SLC35F4: variants seen among roughly 807,000 people sequenced by gnomAD.
SLC35F4 encodes solute carrier family 35 member F4.
A neutral mutation model predicts 44.2 loss-of-function variants in SLC35F4; 24 were observed. The observed-to-expected ratio is 0.54, with a 90% CI of 0.39 to 0.76. The LOEUF is 0.76. SLC35F4 is among the 30% of genes least tolerant of loss of function. The pLI, the probability that SLC35F4 is intolerant of heterozygous loss-of-function variation, is 0.00. For missense variants in SLC35F4, 562 were observed against 586.1 expected (o/e 0.96, Z 0.42); for synonymous variants, 238 against 223.6 (o/e 1.06, Z -0.57).
At chr14:57,845,431 T>C (rs762611917) in intron 1 of SLC35F4, among the ~76,000 whole-genome samples, 6 of 152,222 alleles carry the variant, frequency 3.9e-5, no homozygotes, top group African/African-American at 1.4e-4. Flanking sequence ...CATACAACTG[T>C]CGGAGAGAGG....
At position 57,624,111 on chromosome 14, in the gene SLC35F4, A is replaced by C. The variant is rs538022649; in HGVS notation, c.104-29987T>G. Among the ~76,000 whole-genome samples, 179 of 152,338 alleles carry C rather than the reference A, an allele frequency of 1.2e-3. 1 individual carries two copies. The highest frequency in any genetic ancestry group is 4.2e-3 in the African/African-American group (176 of 41,578). ...AAATAGACACAATAAAAAATGATAA[A>C]GGGGATATCACCACTGATTCCACAG... On this transcript the variant is annotated intron_variant, in intron 1 of 7. Transcript: ENST00000556826.
chr14:57,684,480 G>A (rs1053946963), intron 1 of SLC35F4, among the ~76,000 whole-genome samples: 1 of 152,124 alleles, frequency 6.6e-6, no homozygotes, highest in Non-Finnish European at 1.5e-5. Flanking sequence ...AATAGGGTTC[G>A]AGCTCCTATG....
intron 1 of SLC35F4, among the ~76,000 whole-genome samples, chr14:57,956,433 G>T (rs1890239668): frequency 1.3e-5 from 2 of 152,126 alleles, no homozygotes; most frequent in Admixed American, 1.3e-4. Flanking sequence ...AGCCAAAATT[G>T]ACAAATGGGA....
intron 1 of SLC35F4, among the ~76,000 whole-genome samples, chr14:57,940,556 T>A (rs1052493078): frequency 3.3e-5 from 5 of 152,226 alleles, no homozygotes; most frequent in African/African-American, 1.2e-4. Flanking sequence ...TGTATGGTTA[T>A]GCTGCTGCTC....
At chr14:57,756,260 T>C (rs1188769502) in intron 1 of SLC35F4, among the ~76,000 whole-genome samples, 1 of 152,230 alleles carries the variant, frequency 6.6e-6, no homozygotes, top group East Asian at 1.9e-4. Flanking sequence ...CTTTTGGTGG[T>C]ATTTTCCTTC....
At position 57,822,771 on chromosome 14, in the gene SLC35F4, C is replaced by T. The variant is rs186479454; in HGVS notation, c.103+42952G>A. Among the ~76,000 whole-genome samples the T allele has an allele frequency of 1.6e-3, 240 of 152,248 alleles. 1 individual carries two copies. The highest frequency in any genetic ancestry group is 2.4e-3 in the Non-Finnish European group (160 of 68,018). ...AAAATTCTGTGGCTTAAAACAACATCATTGGTTTTCCTCCTACTTTGAGGT... is the reference window on the plus strand; with the variant it reads ...AAAATTCTGTGGCTTAAAACAACATTATTGGTTTTCCTCCTACTTTGAGGT... On this transcript the variant is annotated intron_variant, in intron 1 of 7. Transcript: ENST00000556826.
chr14:57,867,938 T>C (rs1055905911), upstream of SLC35F4, among the ~76,000 whole-genome samples: 14 of 152,108 alleles, frequency 9.2e-5, no homozygotes, highest in Admixed American at 7.9e-4. Flanking sequence ...TAAAAACAAG[T>C]GGTTTTTCCC....
chr14:57,651,669 G>C (rs915436985), intron 1 of SLC35F4, among the ~76,000 whole-genome samples: 10 of 152,094 alleles, frequency 6.6e-5, no homozygotes, highest in Non-Finnish European at 1.3e-4. Context: ...TTCTAGACTG[G>C]TCATTCAAGC....
At chr14:57,787,210 CAAAGAAA>C (rs1236707828) in intron 1 of SLC35F4, among the ~76,000 whole-genome samples, 1 of 151,802 alleles carries the variant, frequency 6.6e-6, no homozygotes, top group Admixed American at 6.6e-5. Context: ...CCAACAAAGA[CAAAGAAA>C]AAAGAAAAAG....
chr14:57,684,338 C>T (rs1364495124), intron 1 of SLC35F4, among the ~76,000 whole-genome samples: 1 of 152,148 alleles, frequency 6.6e-6, no homozygotes, highest in African/African-American at 2.4e-5. Flanking sequence ...CACTTTTTGG[C>T]ACCGGGGACT....
chr14:57,838,467 T>C (rs978196042), intron 1 of SLC35F4, among the ~76,000 whole-genome samples: 1 of 152,198 alleles, frequency 6.6e-6, no homozygotes, highest in African/African-American at 2.4e-5. Flanking sequence ...CAAAAAAATA[T>C]ATACAGTCAA....
chr14:57,958,645 T>C (rs906652039), intron 1 of SLC35F4, among the ~76,000 whole-genome samples: 28 of 152,170 alleles, frequency 1.8e-4, no homozygotes. Flanking sequence ...GGGTGAGTGT[T>C]ATGATATGTG....
intron 1 of SLC35F4, among the ~76,000 whole-genome samples, chr14:57,644,936 T>A (rs530374511): frequency 6.6e-6 from 1 of 152,230 alleles, no homozygotes; most frequent in Non-Finnish European, 1.5e-5. Flanking sequence ...GTTGTAGATA[T>A]GTGGCATTAT....
chr14:57,777,065 A>C (rs572130439), intron 1 of SLC35F4, among the ~76,000 whole-genome samples: 32 of 152,218 alleles, frequency 2.1e-4, no homozygotes, highest in Non-Finnish European at 4.1e-4. Flanking sequence ...AACTAACAAC[A>C]CGATGACAGG....
intron 1 of SLC35F4, 94 bp downstream of exon 1, chr14:57,865,629 C>G: frequency 1.9e-6 from 2 of 1,042,026 alleles, no homozygotes; most frequent in Non-Finnish European, 2.7e-6. Context: ...TGCAGGTGTC[C>G]GTACCGCGCG....
At chr14:57,741,318 T>C (rs1425407472) in intron 1 of SLC35F4, among the ~76,000 whole-genome samples, 1 of 152,086 alleles carries the variant, frequency 6.6e-6, no homozygotes, top group East Asian at 1.9e-4. Context: ...TTGAACCCAT[T>C]GCAAAATAAG....
chr14:57,735,592 C>G (rs2076442769), intron 1 of SLC35F4, among the ~76,000 whole-genome samples: 1 of 152,180 alleles, frequency 6.6e-6, no homozygotes, highest in Non-Finnish European at 1.5e-5. Flanking sequence ...CAGGGCAATG[C>G]CTGTGTCTGA....
chr14:57,835,110 C>A (rs1884779770), intron 1 of SLC35F4, among the ~76,000 whole-genome samples: 1 of 152,198 alleles, frequency 6.6e-6, no homozygotes, highest in African/African-American at 2.4e-5. Flanking sequence ...TTGCTGTTTG[C>A]CACAGAAACA....
At chr14:57,606,151 A>G (rs1353223517) in intron 1 of SLC35F4, among the ~76,000 whole-genome samples, 1 of 152,190 alleles carries the variant, frequency 6.6e-6, no homozygotes, top group Non-Finnish European at 1.5e-5. Context: ...CTATATGAAG[A>G]AAACAAAACT....
Sources: gnomAD v4.1 joint callset for allele counts (sites outside exome capture counted in the v4.1 genomes callset) on GRCh38, gnomAD v4.1.1 for gene constraint, MANE v1.5 for transcripts, NCBI Gene and HGNC (gene_info 2026-07-23, HGNC 2026-07-21) for gene names.